TENM3: variants seen among roughly 807,000 people sequenced by gnomAD.
The protein encoded by TENM3 is teneurin-3.
TENM3 carries 63 observed loss-of-function variants against 255.1 expected under a neutral mutation model. The observed-to-expected ratio is 0.25, with a 90% CI of 0.20 to 0.30. The LOEUF is 0.30. TENM3 is among the 10% of genes least tolerant of loss of function. The pLI, the probability that TENM3 is intolerant of heterozygous loss-of-function variation, is 1.00. For synonymous variants in TENM3, 1,306 were observed against 1,322.3 expected, an observed-to-expected ratio of 0.99 and a Z score of 0.27; for missense variants, 2,929 against 3,461.1, an observed-to-expected ratio of 0.85 and a Z score of 3.86.
At chr4:181,667,468 C>T in the TENM3 span, among the ~76,000 whole-genome samples, 1 of 152,154 alleles carries the variant, frequency 6.6e-6, no homozygotes, top group East Asian at 1.9e-4. Context: ...CCAATGCAAC[C>T]ATGTAAGAGG....
the TENM3 span, among the ~76,000 whole-genome samples, chr4:182,070,344 T>A: frequency 6.6e-6 from 1 of 152,146 alleles, no homozygotes; most frequent in Non-Finnish European, 1.5e-5. Context: ...ATAGGCTGGG[T>A]GCAGTGGCTC....
At chr4:182,009,777 G>A in the TENM3 span, among the ~76,000 whole-genome samples, 2 of 152,326 alleles carry the variant, frequency 1.3e-5, no homozygotes, top group African/African-American at 4.8e-5. Context: ...CCAGATTCCA[G>A]CTGAGAGGCT....
At chr4:182,654,453 A>G (rs915825484) in intron 6 of TENM3, among the ~76,000 whole-genome samples, 1 of 152,196 alleles carries the variant, frequency 6.6e-6, no homozygotes, top group African/African-American at 2.4e-5. Flanking sequence ...CATTTTTTCA[A>G]TATAAACACT....
At chr4:182,545,685 G>C (rs11723993) in intron 3 of TENM3, among the ~76,000 whole-genome samples, 29,169 of 151,896 alleles carry the variant, frequency 0.19, 3,743 homozygotes, top group African/African-American at 0.35. Flanking sequence ...CTCTGCCCCT[G>C]TCAACTGGTA....
chr4:182,462,071 T>C (rs55704063), intron 3 of TENM3, among the ~76,000 whole-genome samples: 12 of 80,874 alleles, frequency 1.5e-4, no homozygotes, highest in South Asian at 1.0e-3. Context: ...CTCTGAGCTT[T>C]TTTTTTTTTT....
chr4:182,282,013 G>A (rs1019602467), intron 1 of TENM3, among the ~76,000 whole-genome samples: 1 of 152,174 alleles, frequency 6.6e-6, no homozygotes, highest in Non-Finnish European at 1.5e-5. Flanking sequence ...TGAGATTACA[G>A]GCATGAACCA....
At chr4:181,998,030 A>G in the TENM3 span, among the ~76,000 whole-genome samples, 1 of 152,210 alleles carries the variant, frequency 6.6e-6, no homozygotes, top group Non-Finnish European at 1.5e-5. Context: ...AAAAGAGACA[A>G]CTTGTTTGCA....
At chr4:182,623,960 A>C (rs1280043163) in intron 4 of TENM3, among the ~76,000 whole-genome samples, 1 of 152,172 alleles carries the variant, frequency 6.6e-6, no homozygotes. Flanking sequence ...CCCTGACTGC[A>C]TCGCCTGGAT....
chr4:181,605,573 AGAGAAAGAAAGGAAAGAAAG>A, the TENM3 span, among the ~76,000 whole-genome samples: 26 of 28,622 alleles, frequency 9.1e-4, 3 homozygotes, highest in African/African-American at 1.7e-3. Context: ...AAAGAAAGAG[AGAGAAAGAAAGGAAAGAAAG>A]AAAGAAAGAA....
intron 3 of TENM3, among the ~76,000 whole-genome samples, chr4:182,575,642 TCTTAA>T (rs1279271986): frequency 6.6e-6 from 1 of 152,256 alleles, no homozygotes; most frequent in East Asian, 1.9e-4. Context: ...CTCATGATTT[TCTTAA>T]CTTGTATATT....
chr4:182,745,769 T>C (rs1761963933), intron 19 of TENM3, among the ~76,000 whole-genome samples: 1 of 151,836 alleles, frequency 6.6e-6, no homozygotes, highest in Non-Finnish European at 1.5e-5. Context: ...GCAAGACTTA[T>C]TTCACAATCA....
At chr4:182,262,480 A>G (rs1225946398) in intron 1 of TENM3, among the ~76,000 whole-genome samples, 1 of 152,138 alleles carries the variant, frequency 6.6e-6, no homozygotes, top group Non-Finnish European at 1.5e-5. Flanking sequence ...CACCAAAACC[A>G]AGATGGTGAC....
chr4:181,777,202 C>T, the TENM3 span, among the ~76,000 whole-genome samples: 10 of 151,706 alleles, frequency 6.6e-5, no homozygotes, highest in Admixed American at 2.0e-4. Flanking sequence ...CCATGTATGC[C>T]GACAATGAGT....
intron 3 of TENM3, among the ~76,000 whole-genome samples, chr4:182,599,026 T>C (rs991435862): frequency 2.6e-5 from 4 of 152,212 alleles, no homozygotes; most frequent in Non-Finnish European, 5.9e-5. Flanking sequence ...TACTTTTTCC[T>C]TGGAAACATT....
At chr4:181,672,504 T>G in the TENM3 span, among the ~76,000 whole-genome samples, 1 of 152,150 alleles carries the variant, frequency 6.6e-6, no homozygotes, top group African/African-American at 2.4e-5. Flanking sequence ...CTGAAAATCC[T>G]TGGAACGGCA....
chr4:181,767,259 A>G, the TENM3 span, among the ~76,000 whole-genome samples: 5 of 150,408 alleles, frequency 3.3e-5, no homozygotes, highest in African/African-American at 1.2e-4. Context: ...CTCAAAAAAA[A>G]AAAAAAAAAA....
the TENM3 span, among the ~76,000 whole-genome samples, chr4:181,690,240 G>GCA: frequency 0.016 from 2,432 of 150,078 alleles, 30 homozygotes; most frequent in African/African-American, 0.027. Flanking sequence ...GCGTGAGCGT[G>GCA]CACACACACA....
At chr4:181,812,843 A>G in the TENM3 span, among the ~76,000 whole-genome samples, 1 of 152,164 alleles carries the variant, frequency 6.6e-6, no homozygotes, top group African/African-American at 2.4e-5. Flanking sequence ...CCTGGCCCCA[A>G]CAACCCAAGG....
At chr4:182,421,688 T>G (rs1425125397) in intron 3 of TENM3, among the ~76,000 whole-genome samples, 1 of 152,172 alleles carries the variant, frequency 6.6e-6, no homozygotes, top group Non-Finnish European at 1.5e-5. Flanking sequence ...CAGATCTATT[T>G]TTATATGTAT....
Sources: allele counts gnomAD v4.1 joint callset (sites outside exome capture counted in the v4.1 genomes callset), GRCh38; gene constraint gnomAD v4.1.1; transcripts MANE v1.5; gene names NCBI Gene and HGNC (gene_info 2026-07-23, HGNC 2026-07-21).